JCAD: variants seen among roughly 807,000 people sequenced by gnomAD.
JCAD encodes junctional cadherin 5 associated.
In JCAD, 40 loss-of-function variants were observed where a neutral mutation model predicts 98.0. The observed-to-expected ratio is 0.41, with a 90% CI of 0.32 to 0.53. JCAD has a LOEUF of 0.53. JCAD is among the 20% of genes least tolerant of loss of function. The pLI, the probability that JCAD is intolerant of heterozygous loss-of-function variation, is 0.31. For synonymous variants in JCAD, 691 were observed against 682.3 expected (o/e 1.01, Z -0.20); for missense variants, 1,705 against 1,738.1 (o/e 0.98, Z 0.34).
chr10:30,078,906 T>A (rs994259767), intron 1 of JCAD, among the ~76,000 whole-genome samples: 1 of 152,182 alleles, frequency 6.6e-6, no homozygotes, highest in Non-Finnish European at 1.5e-5. Flanking sequence ...CTTCTTTGTG[T>A]GCCCTTGAAG....
intron 1 of JCAD, among the ~76,000 whole-genome samples, chr10:30,051,661 ATGGGTT>A (rs1295875924): frequency 6.6e-6 from 1 of 152,210 alleles, no homozygotes; most frequent in Non-Finnish European, 1.5e-5. Flanking sequence ...CAAACTACAA[ATGGGTT>A]TGGGCAAGGG....
At chr10:30,054,819 G>A (rs1447641246) in intron 1 of JCAD, among the ~76,000 whole-genome samples, 4 of 151,798 alleles carry the variant, frequency 2.6e-5, no homozygotes, top group South Asian at 2.1e-4. Flanking sequence ...ACAGGCGCCC[G>A]CCACCTCGCC....
intron 2 of JCAD, chr10:30,069,601 AC>A (rs35662614): frequency 0.14 from 14,984 of 105,668 alleles, 989 homozygotes; most frequent in African/African-American, 0.22. Flanking sequence ...AACAACAACA[AC>A]CCCCCCCCCC....
At chr10:30,024,847 C>T (rs944714836) in intron 3 of JCAD, among the ~76,000 whole-genome samples, 4 of 152,100 alleles carry the variant, frequency 2.6e-5, no homozygotes, top group South Asian at 2.1e-4. Flanking sequence ...AGGCGCCCGC[C>T]GCCACGCCCA....
At chr10:30,048,788 G>T (rs904814772) in intron 1 of JCAD, among the ~76,000 whole-genome samples, 1 of 151,832 alleles carries the variant, frequency 6.6e-6, no homozygotes, top group African/African-American at 2.4e-5. Flanking sequence ...GGCTGGTCTC[G>T]AACTCCTAAA....
chr10:30,026,059 T>C (rs1589677965), intron 3 of JCAD, 44 bp downstream of exon 3: 1 of 1,611,646 alleles, frequency 6.2e-7, no homozygotes, highest in Non-Finnish European at 8.5e-7. Flanking sequence ...GACTAAAAAC[T>C]CCAAATGTAT....
At chr10:30,060,836 A>C (rs1837687413), upstream of JCAD, among the ~76,000 whole-genome samples, 1 of 152,064 alleles carries the variant, frequency 6.6e-6, no homozygotes, top group African/African-American at 2.4e-5. Context: ...CTAGCCCAAG[A>C]CCCTCGCTCT....
intron 1 of JCAD, among the ~76,000 whole-genome samples, chr10:30,052,614 A>C (rs1171383415): frequency 6.6e-6 from 1 of 152,210 alleles, no homozygotes; most frequent in Non-Finnish European, 1.5e-5. Context: ...CCAGGAGCGA[A>C]ACATCCAGCA....
chr10:30,030,621 T>C (rs1044321054), intron 2 of JCAD, among the ~76,000 whole-genome samples: 2 of 152,134 alleles, frequency 1.3e-5, no homozygotes, highest in African/African-American at 2.4e-5. Context: ...TCTGAAACTT[T>C]AGTGAGAATC....
At chr10:30,060,583 G>C (rs1409175619), upstream of JCAD, among the ~76,000 whole-genome samples, 1 of 152,216 alleles carries the variant, frequency 6.6e-6, no homozygotes, top group Non-Finnish European at 1.5e-5. Flanking sequence ...ACAAAACATG[G>C]ATGGCACAGC....
chr10:30,026,984 G>C lies in JCAD; in HGVS notation c.3164C>G (p.Pro1055Arg). The change falls in exon 3 of 4, where the codon CCT (proline) becomes CGT (arginine). Residue 1055 changes from proline to arginine, a missense_variant. Physicochemically the swap from Pro to Arg is moderately radical, Grantham distance 103 (BLOSUM62 -2). Coordinates refer to ENST00000375377, the MANE Select transcript of JCAD (RefSeq NM_020848.4). ...APDLRSVGLT[P>R]GQEQGASELE... The stretch of plus-strand genomic sequence containing the variant: ...CTCACTGGCACCCTGTTCTTGCCCA[G>C]GGGTGAGCCCCACAGACCGTAAGTC... 1 of 1,614,190 alleles carries C rather than the reference G, an allele frequency of 6.2e-7. No individual in the cohort carries two copies. Among genetic ancestry groups the C allele is most frequent in the Middle Eastern group, 1.6e-4 (1 of 6,062 alleles).
At chr10:30,050,770 C>T (rs1837451930) in intron 1 of JCAD, among the ~76,000 whole-genome samples, 2 of 152,146 alleles carry the variant, frequency 1.3e-5, no homozygotes, top group Admixed American at 1.3e-4. Flanking sequence ...CCCCACCAGC[C>T]CAATAAACTC....
chr10:30,105,194 G>A (rs1469122494), intron 1 of JCAD, among the ~76,000 whole-genome samples: 2 of 152,130 alleles, frequency 1.3e-5, no homozygotes, highest in Non-Finnish European at 2.9e-5. Flanking sequence ...AGGTATGCAT[G>A]AGAGAGGTGA....
chr10:30,057,025 A>G (rs539447998), intron 1 of JCAD, among the ~76,000 whole-genome samples: 2 of 152,368 alleles, frequency 1.3e-5, no homozygotes, highest in East Asian at 1.9e-4. Context: ...AGGAAAAACA[A>G]CATCTGTTAA....
chr10:30,023,357 T>A (rs902996264), intron 3 of JCAD, among the ~76,000 whole-genome samples: 2 of 152,154 alleles, frequency 1.3e-5, no homozygotes, highest in Admixed American at 6.5e-5. Flanking sequence ...TCTTTAGATA[T>A]GTTTAGATAC....
intron 3 of JCAD, among the ~76,000 whole-genome samples, chr10:30,025,320 C>A (rs997360251): frequency 6.6e-6 from 1 of 151,638 alleles, no homozygotes; most frequent in South Asian, 2.1e-4. Flanking sequence ...GAGTTCAAGA[C>A]CAGCTTGGCC....
At chr10:30,018,524 C>T (rs891233505) in intron 3 of JCAD, among the ~76,000 whole-genome samples, 5 of 152,082 alleles carry the variant, frequency 3.3e-5, no homozygotes, top group African/African-American at 7.2e-5. Flanking sequence ...CAGGTATGTA[C>T]GAGTCTGGCC....
intron 1 of JCAD, among the ~76,000 whole-genome samples, chr10:30,084,406 C>T (rs775618585): frequency 1.3e-5 from 2 of 152,152 alleles, no homozygotes; most frequent in Non-Finnish European, 2.9e-5. Flanking sequence ...ACCTTCTGTG[C>T]GTTTCTGTGA....
chr10:30,044,304 G>T (rs1837294010), intron 2 of JCAD, among the ~76,000 whole-genome samples: 1 of 152,194 alleles, frequency 6.6e-6, no homozygotes, highest in Non-Finnish European at 1.5e-5. Flanking sequence ...TATTCTGTCA[G>T]AATAAAACAA....
Sources: gnomAD v4.1 joint callset for allele counts (sites outside exome capture counted in the v4.1 genomes callset) on GRCh38, gnomAD v4.1.1 for gene constraint, MANE v1.5 for transcripts, NCBI Gene and HGNC (gene_info 2026-07-23, HGNC 2026-07-21) for gene names.